Variants in MEN1 observed in about 807,000 individuals in gnomAD.
MEN1 encodes the protein menin.
MEN1 carries 6 observed loss-of-function variants against 58.0 expected under a neutral mutation model. The ratio of observed to expected loss-of-function variants is 0.10; its 90% CI spans 0.06 to 0.20. MEN1 has a LOEUF of 0.20. Among genes scored for constraint, MEN1 ranks in the 10% least tolerant of loss-of-function variants. The pLI is 1.00. For missense variants in MEN1, 492 were observed against 818.5 expected (o/e 0.60, Z 4.87); for synonymous variants, 346 against 350.7 (o/e 0.99, Z 0.15).
At chr11:64,810,397 C>T (rs1441869449) in intron 1 of MEN1, 117 bp downstream of exon 1, 1 of 488,246 alleles carries the variant, frequency 2.0e-6, no homozygotes, top group Non-Finnish European at 3.7e-6. Flanking sequence ...CCCCAATGGC[C>T]GCCCCGCCCC....
rs1330967316 is a variant in MEN1, at chr11:64,805,966, T to C, written c.1050-196A>G. 9 of 668,496 alleles carry C rather than the reference T, an allele frequency of 1.3e-5. No individual in the cohort carries two copies. The East Asian group carries it at 1.6e-4, about 12-fold the overall frequency. The allele number at this position is 668,496 out of a possible 1,614,324, so 41.4% of individuals were successfully genotyped here. ...GGGGGCATGGGGCCGAGGGTGGAAG[T>C]CCCACTGCTGGATGATGGTGGTTAA... On this transcript the variant is annotated intron_variant, in intron 7 of 9. Transcript: ENST00000450708.
rs1206169328 is a variant in MEN1, at chr11:64,807,434, A to C, written c.783+118T>G. The C allele has an allele frequency of 4.2e-6, 5 of 1,181,622 alleles. No individual in the cohort carries two copies. Among genetic ancestry groups the C allele is most frequent in the African/African-American group, 1.5e-5 (1 of 66,054 alleles). The allele number at this position is 1,181,622 out of a possible 1,614,324, so 73.2% of individuals were successfully genotyped here. On this transcript the variant is annotated intron_variant, in intron 4 of 9. Transcript: ENST00000450708. This position sits in a 1 kb window ranked among gnomAD's most constrained non-coding sequence, Gnocchi z 4.9. ...GGGAAAGGCCAGGCCAGGAATTACT[A>C]ACCCATTTTTCCAGGAGGGGAAGCT...
At position 64,807,872 on chromosome 11, in the gene MEN1, TG is replaced by T. The variant is rs112700230; in HGVS notation, c.654+18del. 6 of 1,613,600 alleles carry T rather than the reference TG, an allele frequency of 3.7e-6. No homozygotes were observed. Among genetic ancestry groups the T allele is most frequent in the African/African-American group, 1.3e-5 (1 of 74,830 alleles). On this transcript the variant is annotated intron_variant, in intron 3 of 9. Coordinates refer to ENST00000450708, the MANE Select transcript of MEN1 (RefSeq NM_001370259.2). This position sits in a 1 kb window ranked among gnomAD's most constrained non-coding sequence, Gnocchi z 4.9. ...TACTACAGTATGAAGGGGACAAGGC[TG>T]GGGGGAGGGAACAATACCCGCTCAG...
In MEN1 at chr11:64,804,178, G is replaced by C. The variant is rs933233074; in HGVS notation, c.*156C>G. On this transcript the variant is annotated 3_prime_UTR_variant, in exon 10 of 10. Transcript: ENST00000450708. The surrounding 1 kb of genome is among the most constrained non-coding windows in gnomAD (Gnocchi z 4.2). ...CCTGGGTTCTGAGCTGGAGAAAATC[G>C]TGGGTTTGATACAGACTGTACTCGG... is the stretch of plus-strand genomic sequence containing the variant. The C allele has an allele frequency of 3.5e-5, 32 of 906,320 alleles. No homozygotes were observed. The highest frequency in any genetic ancestry group is 4.9e-5 in the Non-Finnish European group (28 of 568,610). 56.1% of individuals were successfully genotyped at this position (906,320 alleles called of 1,614,324 possible). A position where few individuals can be genotyped will look rare whatever the true frequency, so the allele number is the denominator to read the frequency against.
chr11:64,804,271 T>C lies in MEN1; in HGVS notation c.*63A>G. On this transcript the variant is annotated 3_prime_UTR_variant, in exon 10 of 10. Coordinates refer to ENST00000450708, the MANE Select transcript of MEN1 (RefSeq NM_001370259.2). The surrounding 1 kb of genome is among the most constrained non-coding windows in gnomAD (Gnocchi z 4.2). ...TTTGGGCTGGGGGCAGAACATGGGC[T>C]CAGAGTTGGGGGACTAAGGGCGGAG... is the stretch of plus-strand genomic sequence containing the variant. 6.2e-7 allele frequency: 1 copy of C among 1,611,658 alleles called. No individual in the cohort carries two copies. The highest frequency in any genetic ancestry group is 8.5e-7 in the Non-Finnish European group (1 of 1,178,618).
chr11:64,810,118 GCGGTGGGCGGCGGCCTGCAAGGCAAGCC>G lies in MEN1; in HGVS notation c.-23-14_-10del. 6.5e-6 allele frequency: 10 copies of G among 1,543,884 alleles called. No homozygotes were observed. The highest frequency in any genetic ancestry group is 2.3e-5 in the South Asian group (2 of 85,228). ...GCGGCCTTCAGCCCCATGGCGGCGG[GCGGTGGGCGGCGGCCTGCAAGGCAAGCC>G]GGGGGAGGGAGGGTCGGGCAGGTTC... On this transcript the variant is annotated splice_acceptor_variant and splice_polypyrimidine_tract_variant and 5_prime_UTR_variant and intron_variant, in exon 2 of 10. Transcript: ENST00000450708. LOFTEE classifies it low-confidence loss of function (5UTR_SPLICE).
At chr11:64,809,547 A>C (rs1941969044) in intron 2 of MEN1, 118 bp downstream of exon 2, 1 of 1,289,106 alleles carries the variant, frequency 7.8e-7, no homozygotes, top group African/African-American at 1.5e-5. Context: ...AACTGCAAAG[A>C]GGAAAATAAC....
At position 64,807,029 on chromosome 11, in the gene MEN1, T is replaced by G; in HGVS notation, c.894A>C (p.Pro298=). ...CCCCCACCTTGTGGTAGAGGGTGAG[T>G]GGGTCTGGCCGGCCAGGGGTGGGCT... ...ELEPTPGRPD[P]LTLYHKGIAS... The change falls in exon 6 of 10, where the codon CCA becomes CCC. Residue 298 remains proline, a synonymous_variant. Transcript: ENST00000450708. This position sits in a 1 kb window ranked among gnomAD's most constrained non-coding sequence, Gnocchi z 4.9. 6.2e-7 allele frequency: 1 copy of G among 1,612,902 alleles called. No individual in the cohort carries two copies. The highest frequency in any genetic ancestry group is 8.5e-7 in the Non-Finnish European group (1 of 1,179,912).
chr11:64,804,457 G>T lies in MEN1; in HGVS notation c.1710C>A (p.Ile570=), dbSNP rs763821876. 2 of 1,614,170 alleles carry T rather than the reference G, an allele frequency of 1.2e-6. No individual in the cohort carries two copies. Among genetic ancestry groups the T allele is most frequent in the South Asian group, 1.1e-5 (1 of 91,088 alleles). ...GTTGCAGCTTGATGGCGCTCGAGTTGATCTTGGTGGCCACCAGCAGCTCCT... is the reference window on the plus strand; with the variant it reads ...GTTGCAGCTTGATGGCGCTCGAGTTTATCTTGGTGGCCACCAGCAGCTCCT... ...GMKELLVATK[I]NSSAIKLQLT... The change falls in exon 10 of 10, where the codon ATC becomes ATA. Residue 570 remains isoleucine, a synonymous_variant. Coordinates refer to ENST00000450708, the MANE Select transcript of MEN1 (RefSeq NM_001370259.2). The surrounding 1 kb of genome is among the most constrained non-coding windows in gnomAD (Gnocchi z 4.2).
At chr11:64,805,797 G>C (rs1941679432) in intron 7 of MEN1, 27 bp from the exon 8 acceptor site, 1 of 1,613,680 alleles carries the variant, frequency 6.2e-7, no homozygotes, top group Non-Finnish European at 8.5e-7. Context: ...GTCTCTGTAG[G>C]GTCTGAAGGG....
Position 64,804,893 on chromosome 11 carries a change from T to G in MEN1, c.1351-77A>C. 6.3e-7 allele frequency: 1 copy of G among 1,596,146 alleles called. No individual in the cohort carries two copies. Among genetic ancestry groups the G allele is most frequent in the Admixed American group, 1.7e-5 (1 of 59,990 alleles). ...GAACTCCAGGACCCTGCTCTGGCCA[T>G]CCCATCCCACCCAGGGGGTCTCAGT... is the stretch of plus-strand genomic sequence containing the variant. On this transcript the variant is annotated intron_variant, in intron 9 of 9. Transcript: ENST00000450708. The surrounding 1 kb of genome is among the most constrained non-coding windows in gnomAD (Gnocchi z 4.2).
rs1941629779 is a variant in MEN1 at position 64,805,203 on chromosome 11, A to C, written c.1186-5T>G. ...GGAACCTTGGCTCTGGGTGCCCTGGACGAGGGGGAAGGGAGGGCACAGATC... is the reference window on the plus strand; with the variant it reads ...GGAACCTTGGCTCTGGGTGCCCTGGCCGAGGGGGAAGGGAGGGCACAGATC... On this transcript the variant is annotated splice_region_variant and splice_polypyrimidine_tract_variant and intron_variant, in intron 8 of 9. Coordinates refer to ENST00000450708, the MANE Select transcript of MEN1 (RefSeq NM_001370259.2). The C allele has an allele frequency of 6.2e-7, 1 of 1,612,918 alleles. No individual in the cohort carries two copies. The highest frequency in any genetic ancestry group is 1.7e-5 in the Admixed American group (1 of 59,992).
Position 64,806,992 on chromosome 11 carries a change from C to A in MEN1, c.912+19G>T, listed in dbSNP as rs780657282. ...CACTGTTAGGGTCTCCCTTCTGCAC[C>A]CTCCTTAGATGCCCCCACCTTGTGG... is the stretch of plus-strand genomic sequence containing the variant. On this transcript the variant is annotated intron_variant, in intron 6 of 9. Coordinates refer to ENST00000450708, the MANE Select transcript of MEN1 (RefSeq NM_001370259.2). 3 of 1,611,484 alleles carry A rather than the reference C, an allele frequency of 1.9e-6. No individual in the cohort carries two copies. In the South Asian group the frequency reaches 3.3e-5, roughly 18 times the overall value.
At position 64,803,731 on chromosome 11, in the gene MEN1, C is replaced by T; in HGVS notation, c.*603G>A. On this transcript the variant is annotated 3_prime_UTR_variant, in exon 10 of 10. Coordinates refer to ENST00000450708, the MANE Select transcript of MEN1 (RefSeq NM_001370259.2). ...CAGTTTCGTCAGGAAGAGGGCGGGG[C>T]TCAGGATGCTCATAGGCTGGGGGCG... 4.1e-6 allele frequency: 1 copy of T among 242,948 alleles called. No homozygotes were observed. Among genetic ancestry groups the T allele is most frequent in the Admixed American group, 5.1e-5 (1 of 19,772 alleles). 15.0% of individuals were successfully genotyped at this position (242,948 alleles called of 1,614,324 possible). A position where few individuals can be genotyped will look rare whatever the true frequency, so the allele number is the denominator to read the frequency against.
chr11:64,808,967 A>T (rs1592655114), intron 2 of MEN1, among the ~76,000 whole-genome samples: 1 of 145,056 alleles, frequency 6.9e-6, no homozygotes, highest in East Asian at 2.1e-4. Context: ...AAAAAAAAAA[A>T]AATTTTCATA....
At chr11:64,808,788 C>A (rs763681100) in intron 2 of MEN1, among the ~76,000 whole-genome samples, 1 of 150,904 alleles carries the variant, frequency 6.6e-6, no homozygotes, top group East Asian at 2.0e-4. Context: ...TACTAAAAAT[C>A]CAAAAAAAAA....
At chr11:64,806,135 G>A (rs1371834590) in intron 7 of MEN1, 97 bp downstream of exon 7, 1 of 1,520,936 alleles carries the variant, frequency 6.6e-7, no homozygotes, top group Non-Finnish European at 9.0e-7. Flanking sequence ...AAGGGGATGG[G>A]GCGTGGGAGC....
In MEN1 at chr11:64,804,450, T is replaced by C; in HGVS notation, c.1717A>G (p.Ser573Gly). ...GCCGTGAGTTGCAGCTTGATGGCGC[T>C]CGAGTTGATCTTGGTGGCCACCAGC... ...ELLVATKINSSAIKLQLTAQS... is the reference protein window; with the variant it reads ...ELLVATKINSGAIKLQLTAQS... The change falls in exon 10 of 10, where the codon AGC becomes GGC. Residue 573 changes from serine to glycine, a missense_variant. Physicochemically the swap from Ser to Gly is moderately conservative, Grantham distance 56. Transcript: ENST00000450708. This position sits in a 1 kb window ranked among gnomAD's most constrained non-coding sequence, Gnocchi z 4.2. 6.2e-7 allele frequency: 1 copy of C among 1,614,164 alleles called. No homozygotes were observed. Among genetic ancestry groups the C allele is most frequent in the Non-Finnish European group, 8.5e-7 (1 of 1,180,024 alleles).
chr11:64,809,089 C>T (rs578046625), intron 2 of MEN1, among the ~76,000 whole-genome samples: 2 of 151,608 alleles, frequency 1.3e-5, no homozygotes, highest in Non-Finnish European at 2.9e-5. Context: ...TAGTGAGACA[C>T]CATCTCTACA....
Sources: allele counts gnomAD v4.1 joint callset (sites outside exome capture counted in the v4.1 genomes callset), GRCh38; gene constraint gnomAD v4.1.1; non-coding constraint Gnocchi (gnomAD v3.1); transcripts MANE v1.5; gene names NCBI Gene and HGNC (gene_info 2026-07-23, HGNC 2026-07-21).